Variants in AGBL1 observed in about 807,000 individuals in gnomAD.
AGBL1 encodes cytosolic carboxypeptidase 4.
A neutral mutation model predicts 118.9 loss-of-function variants in AGBL1; 130 were observed. The ratio of observed to expected loss-of-function variants is 1.09; its 90% CI spans 0.95 to 1.26. The LOEUF is 1.26. Ranked by LOEUF, AGBL1 falls within the 50% of genes most tolerant of loss-of-function variation. The pLI is 0.00. For synonymous variants in AGBL1, 555 were observed against 478.9 expected (o/e 1.16, Z -2.08); for missense variants, 1,584 against 1,298.1 (o/e 1.22, Z -3.38).
At chr15:86,827,157 A>T (rs2079022481) in intron 22 of AGBL1, among the ~76,000 whole-genome samples, 1 of 149,390 alleles carries the variant, frequency 6.7e-6, no homozygotes, top group African/African-American at 2.5e-5. Context: ...TGTTAGATAG[A>T]TGTTCTAAGC....
At chr15:86,611,782 A>G (rs887874232) in intron 21 of AGBL1, among the ~76,000 whole-genome samples, 1 of 152,190 alleles carries the variant, frequency 6.6e-6, no homozygotes, top group Non-Finnish European at 1.5e-5. Flanking sequence ...GCCTATTTGT[A>G]AGATACTGTG....
intron 22 of AGBL1, among the ~76,000 whole-genome samples, chr15:86,884,185 A>T (rs1036801237): frequency 6.6e-6 from 1 of 152,206 alleles, no homozygotes; most frequent in Admixed American, 6.5e-5. Context: ...TAAGTCCAAC[A>T]AAGGTTACTT....
At chr15:86,150,244 A>G (rs12324149) in intron 3 of AGBL1, among the ~76,000 whole-genome samples, 85,207 of 151,964 alleles carry the variant, frequency 0.56, 24,205 homozygotes, top group South Asian at 0.61. Flanking sequence ...AAACAAATGC[A>G]AAAGCTAGCA....
intron 1 of AGBL1, among the ~76,000 whole-genome samples, chr15:86,081,989 A>G (rs903403227): frequency 2.0e-5 from 3 of 152,162 alleles, no homozygotes; most frequent in Non-Finnish European, 2.9e-5. Flanking sequence ...ACTAGACTCT[A>G]CTTAGTTCCC....
At chr15:86,280,002 C>T (rs1055247180) in intron 16 of AGBL1, among the ~76,000 whole-genome samples, 3 of 152,186 alleles carry the variant, frequency 2.0e-5, no homozygotes, top group African/African-American at 7.2e-5. Flanking sequence ...GAGCCTTGAT[C>T]AGTGACATTC....
chr15:86,342,157 G>A (rs1051187081), intron 17 of AGBL1, among the ~76,000 whole-genome samples: 2 of 151,938 alleles, frequency 1.3e-5, no homozygotes, highest in Non-Finnish European at 2.9e-5. Context: ...TTTTTTTACT[G>A]CTACTTCTCT....
At chr15:86,250,517 C>G (rs1369402756) in intron 7 of AGBL1, among the ~76,000 whole-genome samples, 1 of 79,238 alleles carries the variant, frequency 1.3e-5, no homozygotes, top group African/African-American at 4.6e-5. Flanking sequence ...CAGAGTAAGA[C>G]TCTGTCTCAA....
intron 5 of AGBL1, among the ~76,000 whole-genome samples, chr15:86,192,006 T>C (rs1348278410): frequency 6.6e-6 from 1 of 150,524 alleles, no homozygotes; most frequent in Admixed American, 6.6e-5. Context: ...GAGGCTGAGG[T>C]TGGAGGGTCG....
At chr15:86,505,516 CT>C (rs1285612243) in intron 18 of AGBL1, among the ~76,000 whole-genome samples, 1 of 151,870 alleles carries the variant, frequency 6.6e-6, no homozygotes, top group Non-Finnish European at 1.5e-5. Context: ...TCACTGAATA[CT>C]TTTTCTGTCT....
At chr15:86,812,672 A>G (rs2078805742) in intron 22 of AGBL1, among the ~76,000 whole-genome samples, 1 of 152,162 alleles carries the variant, frequency 6.6e-6, no homozygotes, top group Non-Finnish European at 1.5e-5. Context: ...TCTGCAATGC[A>G]CACAGATCCC....
chr15:86,486,906 C>G (rs949746589), intron 18 of AGBL1, among the ~76,000 whole-genome samples: 4 of 152,034 alleles, frequency 2.6e-5, no homozygotes, highest in African/African-American at 9.7e-5. Flanking sequence ...GAGTTCCCAG[C>G]TTGAGTCTTG....
chr15:86,877,683 A>G (rs1171301918), intron 22 of AGBL1, among the ~76,000 whole-genome samples: 3 of 152,300 alleles, frequency 2.0e-5, no homozygotes, highest in African/African-American at 4.8e-5. Context: ...ATTTATCTAT[A>G]TCTTGTAACC....
At chr15:86,827,802 C>G (rs1192444844) in intron 22 of AGBL1, among the ~76,000 whole-genome samples, 1 of 149,854 alleles carries the variant, frequency 6.7e-6, no homozygotes, top group East Asian at 2.0e-4. Flanking sequence ...ATGTCTAGAT[C>G]CTGCAAAAGC....
At chr15:86,293,629 G>T (rs928750885) in intron 16 of AGBL1, among the ~76,000 whole-genome samples, 9 of 152,130 alleles carry the variant, frequency 5.9e-5, no homozygotes, top group Non-Finnish European at 1.2e-4. Flanking sequence ...TCCTACCAAA[G>T]GTTCTGAAGG....
At position 86,912,019 on chromosome 15, in the gene AGBL1, G is replaced by A. The variant is rs2080358668; in HGVS notation, c.*4725G>A. 1 of 152,252 alleles carries A rather than the reference G, an allele frequency of 6.6e-6. No homozygotes were observed. Among genetic ancestry groups the A allele is most frequent in the South Asian group, 2.1e-4 (1 of 4,826 alleles). 9.4% of individuals were successfully genotyped at this position (152,252 alleles called of 1,614,324 possible). Reference sequence around the variant, plus strand: ...TCATACTTCTTAACACATTGCAGGTGTTCAAAAATGTGTCTTCCCCTCAGC... The same window carrying A: ...TCATACTTCTTAACACATTGCAGGTATTCAAAAATGTGTCTTCCCCTCAGC... On this transcript the variant is annotated 3_prime_UTR_variant, in exon 23 of 23. Transcript: ENST00000614907.
chr15:86,710,281 C>T (rs562869217), intron 22 of AGBL1, among the ~76,000 whole-genome samples: 60 of 152,234 alleles, frequency 3.9e-4, no homozygotes, highest in African/African-American at 1.3e-3. Flanking sequence ...TGGGGTGATG[C>T]ACGTGATTAG....
At chr15:86,422,816 C>T (rs887855232) in intron 18 of AGBL1, among the ~76,000 whole-genome samples, 6 of 152,144 alleles carry the variant, frequency 3.9e-5, no homozygotes, top group Non-Finnish European at 1.5e-5. Context: ...ACCATAAATA[C>T]CTCTATGCAA....
chr15:86,823,662 G>C (rs1268169573), intron 22 of AGBL1, among the ~76,000 whole-genome samples: 2 of 152,140 alleles, frequency 1.3e-5, no homozygotes, highest in Non-Finnish European at 2.9e-5. Flanking sequence ...TGTATCCTAA[G>C]TAGGTAAGAT....
chr15:86,278,047 G>A (rs1190331574), intron 15 of AGBL1, among the ~76,000 whole-genome samples: 5 of 152,210 alleles, frequency 3.3e-5, no homozygotes, highest in Non-Finnish European at 5.9e-5. Context: ...AAGAGGTAGA[G>A]CATATGTAAC....
Sources: allele counts gnomAD v4.1 joint callset (sites outside exome capture counted in the v4.1 genomes callset), GRCh38; gene constraint gnomAD v4.1.1; transcripts MANE v1.5; gene names NCBI Gene and HGNC (gene_info 2026-07-23, HGNC 2026-07-21).